Variants in GRIK4 observed in about 807,000 individuals in gnomAD.
GRIK4 encodes the protein glutamate ionotropic receptor kainate type subunit 4, also known as glutamate receptor ionotropic, kainate 4.
Under a neutral mutation model 104.9 loss-of-function variants are expected in GRIK4, and 40 were observed. That is an observed-to-expected ratio of 0.38 (90% CI 0.30 to 0.50). The LOEUF (loss-of-function observed/expected upper bound fraction) is 0.50. Ranked by LOEUF, GRIK4 falls within the 20% of genes least tolerant of loss-of-function variation. The probability of loss-of-function intolerance (pLI) is 0.93; values close to 1 mark genes in which losing one functional copy is unlikely to be tolerated. For missense variants in GRIK4, 1,047 were observed against 1,308.1 expected (o/e 0.80, Z 3.08); for synonymous variants, 485 against 524.9 (o/e 0.92, Z 1.04).
At chr11:120,896,394 G>T (rs1416822124) in intron 11 of GRIK4, among the ~76,000 whole-genome samples, 4 of 152,242 alleles carry the variant, frequency 2.6e-5, no homozygotes, top group Non-Finnish European at 4.4e-5. Context: ...CTTGTAAACT[G>T]AAAAGGAACA....
chr11:120,593,463 C>T (rs1054025298), intron 1 of GRIK4, among the ~76,000 whole-genome samples: 4 of 152,156 alleles, frequency 2.6e-5, no homozygotes, highest in Non-Finnish European at 5.9e-5. Context: ...TCCCTCGAGA[C>T]ACTTTCTCCA....
In GRIK4 at chr11:120,819,893, G is replaced by T. The variant is rs200724152; in HGVS notation, c.484G>T (p.Ala162Ser). Residue 162 changes from alanine to serine, a missense_variant, in exon 6 of 21, where the codon GCC (alanine) becomes TCC (serine). Around this residue, in one of 3 missense-constraint regions of GRIK4, gnomAD observed 447 missense variants for 514.9 expected, o/e 0.87. Coordinates refer to ENST00000527524, the MANE Select transcript of GRIK4 (RefSeq NM_014619.5). The surrounding 1 kb of genome is among the most constrained non-coding windows in gnomAD (Gnocchi z 4.3). ...GILNFFNCTT[A>S]CLICAKAECL... ...CCTGAACTTCTTCAACTGCACCACC[G>T]CCTGCCTCATCTGTGCCAAAGCAGA... The T allele has an allele frequency of 1.1e-5, 18 of 1,613,950 alleles. No homozygotes were observed. Among genetic ancestry groups the T allele is most frequent in the Non-Finnish European group, 1.1e-5 (13 of 1,179,984 alleles).
At chr11:120,971,797 G>A (rs934357335) in intron 19 of GRIK4, among the ~76,000 whole-genome samples, 4 of 152,200 alleles carry the variant, frequency 2.6e-5, no homozygotes, top group African/African-American at 9.6e-5. Context: ...CTTAGGAATC[G>A]CTGCTTTAGG....
At chr11:120,611,617 C>T (rs1949039157) in intron 1 of GRIK4, among the ~76,000 whole-genome samples, 1 of 152,216 alleles carries the variant, frequency 6.6e-6, no homozygotes, top group African/African-American at 2.4e-5. Context: ...AGTCACCCTT[C>T]CTCCGTGCAT....
intron 8 of GRIK4, among the ~76,000 whole-genome samples, chr11:120,858,735 T>C (rs975352595): frequency 7.9e-5 from 12 of 152,208 alleles, no homozygotes; most frequent in Non-Finnish European, 1.5e-5. Flanking sequence ...ACATAAGATG[T>C]TCATTGTTTG....
chr11:120,635,845 G>C (rs1471277823), intron 1 of GRIK4, among the ~76,000 whole-genome samples: 2 of 152,164 alleles, frequency 1.3e-5, no homozygotes, highest in African/African-American at 4.8e-5. Context: ...TAAGTGTATG[G>C]CTTTGAATTT....
At chr11:120,522,420 C>T (rs558482831) in intron 1 of GRIK4, among the ~76,000 whole-genome samples, 2 of 152,276 alleles carry the variant, frequency 1.3e-5, no homozygotes, top group South Asian at 4.1e-4. Flanking sequence ...CTTCCGGGTT[C>T]GAGCGATTCT....
chr11:120,800,779 A>G (rs1430375132), intron 3 of GRIK4, among the ~76,000 whole-genome samples: 1 of 152,226 alleles, frequency 6.6e-6, no homozygotes, highest in Non-Finnish European at 1.5e-5. Flanking sequence ...GTGAGTGTGG[A>G]GCAATGCACA....
chr11:120,691,360 G>A (rs958847114), intron 3 of GRIK4, among the ~76,000 whole-genome samples: 4 of 152,266 alleles, frequency 2.6e-5, no homozygotes, highest in East Asian at 3.9e-4. Flanking sequence ...AGGCCCCTGC[G>A]ATGTGACCAG....
chr11:120,857,281 C>T (rs926013779), intron 8 of GRIK4, among the ~76,000 whole-genome samples: 1 of 152,170 alleles, frequency 6.6e-6, no homozygotes, highest in African/African-American at 2.4e-5. Context: ...TGAATGGATG[C>T]CTGTTTGTAA....
At chr11:120,835,546 CAAAA>C (rs1045763594) in intron 7 of GRIK4, among the ~76,000 whole-genome samples, 5 of 151,576 alleles carry the variant, frequency 3.3e-5, no homozygotes, top group African/African-American at 7.3e-5. Context: ...AACAAACAAA[CAAAA>C]AAAGAAGCTC....
intron 1 of GRIK4, among the ~76,000 whole-genome samples, chr11:120,564,265 T>C (rs985596601): frequency 6.6e-6 from 1 of 152,216 alleles, no homozygotes; most frequent in African/African-American, 2.4e-5. Flanking sequence ...ATGCTCTCAT[T>C]GAAGCGCCGG....
At chr11:120,879,257 T>G (rs1006272013) in intron 11 of GRIK4, among the ~76,000 whole-genome samples, 1 of 152,142 alleles carries the variant, frequency 6.6e-6, no homozygotes, top group African/African-American at 2.4e-5. Context: ...TTCAGCCAGG[T>G]CTGTTGGTCT....
intron 1 of GRIK4, among the ~76,000 whole-genome samples, chr11:120,522,191 G>A (rs1229176900): frequency 2.0e-5 from 3 of 152,244 alleles, no homozygotes; most frequent in Non-Finnish European, 4.4e-5. Context: ...GCTGTGAAAC[G>A]AGGGAGCACA....
intron 3 of GRIK4, among the ~76,000 whole-genome samples, chr11:120,674,389 C>T (rs61902672): frequency 0.16 from 23,651 of 152,128 alleles, 1,983 homozygotes; most frequent in South Asian, 0.23. Flanking sequence ...ATCTAGATCT[C>T]GACACGTGCC....
chr11:120,869,797 C>A (rs532135972), intron 9 of GRIK4: 1 of 152,544 alleles, frequency 6.6e-6, no homozygotes, highest in African/African-American at 2.4e-5. Context: ...GCAACAATGC[C>A]TCTGAGAGGA....
chr11:120,698,656 G>A (rs1284978191), intron 3 of GRIK4, among the ~76,000 whole-genome samples: 1 of 152,154 alleles, frequency 6.6e-6, no homozygotes, highest in Non-Finnish European at 1.5e-5. Flanking sequence ...ACGGCCTGCT[G>A]CCCCTTCCCC....
chr11:120,593,401 GACA>G (rs1948760119), intron 1 of GRIK4, among the ~76,000 whole-genome samples: 1 of 151,986 alleles, frequency 6.6e-6, no homozygotes. Context: ...CAATCCTGTG[GACA>G]CTCTGCTGTC....
intron 8 of GRIK4, among the ~76,000 whole-genome samples, chr11:120,840,671 A>C (rs959543449): frequency 1.3e-5 from 2 of 152,224 alleles, no homozygotes; most frequent in African/African-American, 4.8e-5. Flanking sequence ...GAACAAATTA[A>C]GAGAAATAAA....
Sources: gnomAD v4.1 joint callset for allele counts (sites outside exome capture counted in the v4.1 genomes callset) on GRCh38, gnomAD v4.1.1 for gene constraint, gnomAD v4.1.1 regional missense constraint, Gnocchi (gnomAD v3.1) non-coding constraint, MANE v1.5 for transcripts, NCBI Gene and HGNC (gene_info 2026-07-23, HGNC 2026-07-21) for gene names.